The following PARD3 variants were observed in gnomAD, a reference collection of about 807,000 sequenced individuals.
The protein encoded by PARD3 is par-3 family cell polarity regulator.
In PARD3, 75 loss-of-function variants were observed where a neutral mutation model predicts 155.4. That is an observed-to-expected ratio of 0.48 (90% CI 0.40 to 0.58). The LOEUF is 0.58. PARD3 is among the 20% of genes least tolerant of loss of function. PARD3 has a pLI of 0.00. For synonymous variants in PARD3, 576 were observed against 610.5 expected (o/e 0.94, Z 0.83); for missense variants, 1,642 against 1,721.7 (o/e 0.95, Z 0.82).
intron 2 of PARD3, 55 bp from the exon 3 acceptor site, chr10:34,517,214 A>G: frequency 1.3e-6 from 2 of 1,510,908 alleles, no homozygotes; most frequent in Non-Finnish European, 1.8e-6. Flanking sequence ...ATTAACTACC[A>G]AAATTTTGTA....
intron 22 of PARD3, among the ~76,000 whole-genome samples, chr10:34,158,059 A>G (rs1327867210): frequency 1.3e-5 from 2 of 152,194 alleles, no homozygotes; most frequent in African/African-American, 4.8e-5. Context: ...CTCTTTAAAC[A>G]TTGCTGATGT....
At chr10:34,150,999 G>T (rs889167712) in intron 22 of PARD3, among the ~76,000 whole-genome samples, 1 of 152,102 alleles carries the variant, frequency 6.6e-6, no homozygotes, top group Non-Finnish European at 1.5e-5. Flanking sequence ...TCCTTCTCTT[G>T]ACCAAGTTCA....
chr10:34,223,588 TAAC>T (rs1338878830), intron 22 of PARD3, among the ~76,000 whole-genome samples: 1 of 152,120 alleles, frequency 6.6e-6, no homozygotes, highest in Non-Finnish European at 1.5e-5. Flanking sequence ...GTGGTTTACT[TAAC>T]AAGAACTCTA....
At position 34,628,638 on chromosome 10, in the gene PARD3, T is replaced by C. The variant is rs2092107040; in HGVS notation, c.222+67680A>G. ...CCCTGCCCTGGAGTGAGTGGCTTCATCACGCCTGAGAGACAGAGGCCAGAA... is the reference window on the plus strand; with the variant it reads ...CCCTGCCCTGGAGTGAGTGGCTTCACCACGCCTGAGAGACAGAGGCCAGAA... On this transcript the variant is annotated intron_variant, in intron 2 of 24. Transcript: ENST00000374788. Among the ~76,000 whole-genome samples the C allele has an allele frequency of 2.0e-5, 3 of 152,190 alleles. No individual in the cohort carries two copies. The South Asian group carries it at 6.2e-4, about 32-fold the overall frequency.
At chr10:34,734,358 CAG>C (rs2094875681) in intron 1 of PARD3, among the ~76,000 whole-genome samples, 1 of 97,424 alleles carries the variant, frequency 1.0e-5, no homozygotes, top group Non-Finnish European at 1.8e-5. Context: ...TTTTTTGAGA[CAG>C]AGTCTCGCTC....
At chr10:34,602,755 G>C (rs2089904708) in intron 2 of PARD3, among the ~76,000 whole-genome samples, 1 of 152,172 alleles carries the variant, frequency 6.6e-6, no homozygotes, top group Non-Finnish European at 1.5e-5. Flanking sequence ...GAGCCTTCTG[G>C]ATACAGAAAG....
At chr10:34,460,783 A>T (rs963631211) in intron 4 of PARD3, among the ~76,000 whole-genome samples, 2 of 152,156 alleles carry the variant, frequency 1.3e-5, no homozygotes, top group African/African-American at 4.8e-5. Context: ...CAGTGAGCCA[A>T]GATCACACCA....
At chr10:34,553,781 G>A (rs777084024) in intron 2 of PARD3, among the ~76,000 whole-genome samples, 6 of 152,140 alleles carry the variant, frequency 3.9e-5, no homozygotes, top group Non-Finnish European at 7.4e-5. Context: ...AATAAGCAAT[G>A]TTTTTGTTCA....
At chr10:34,665,829 C>T (rs771535647) in intron 2 of PARD3, among the ~76,000 whole-genome samples, 10 of 121,772 alleles carry the variant, frequency 8.2e-5, no homozygotes, top group African/African-American at 9.9e-5. Flanking sequence ...TTTGAGACTT[C>T]GTCTCAATTA....
intron 22 of PARD3, among the ~76,000 whole-genome samples, chr10:34,197,553 T>C (rs1415667062): frequency 1.3e-5 from 2 of 152,194 alleles, no homozygotes; most frequent in Admixed American, 6.5e-5. Flanking sequence ...CTTTGGGACA[T>C]AAAAATTATT....
At chr10:34,483,614 T>C (rs7085200) in intron 3 of PARD3, among the ~76,000 whole-genome samples, 8,445 of 152,228 alleles carry the variant, frequency 0.055, 795 homozygotes, top group African/African-American at 0.19. Flanking sequence ...TATTTCCATA[T>C]GGCCAACAGC....
At chr10:34,386,617 G>A (rs1218004988) in intron 7 of PARD3, among the ~76,000 whole-genome samples, 2 of 152,092 alleles carry the variant, frequency 1.3e-5, no homozygotes, top group African/African-American at 4.8e-5. Context: ...GAGGTCAGGA[G>A]TTCAATACCA....
At chr10:34,278,859 G>T (rs1956019355) in intron 21 of PARD3, among the ~76,000 whole-genome samples, 1 of 152,108 alleles carries the variant, frequency 6.6e-6, no homozygotes, top group Non-Finnish European at 1.5e-5. Flanking sequence ...GTCTTATACT[G>T]ACTAATAAAA....
intron 2 of PARD3, among the ~76,000 whole-genome samples, chr10:34,608,126 C>G (rs2090607329): frequency 6.6e-6 from 1 of 152,130 alleles, no homozygotes; most frequent in African/African-American, 2.4e-5. Flanking sequence ...ATGTGTCAAG[C>G]CTCTCAATGC....
intron 2 of PARD3, among the ~76,000 whole-genome samples, chr10:34,656,605 C>G (rs1225399424): frequency 6.6e-6 from 1 of 152,162 alleles, no homozygotes; most frequent in South Asian, 2.1e-4. Context: ...TATTGTTATG[C>G]TTTTAGAAAG....
At chr10:34,262,706 C>T (rs1335831691) in intron 22 of PARD3, among the ~76,000 whole-genome samples, 1 of 152,160 alleles carries the variant, frequency 6.6e-6, no homozygotes, top group Non-Finnish European at 1.5e-5. Context: ...AACTCAGACT[C>T]AGTAAGAATT....
chr10:34,279,141 C>CTTTTTTTT (rs143467605), intron 21 of PARD3, among the ~76,000 whole-genome samples: 5 of 102,050 alleles, frequency 4.9e-5, no homozygotes, highest in African/African-American at 1.6e-4. Flanking sequence ...ATATTTTTTC[C>CTTTTTTTT]TTTTTTTTTT....
chr10:34,525,847 T>C lies in PARD3; in HGVS notation c.223-8688A>G, dbSNP rs549451860. 1.2e-4 allele frequency among the ~76,000 whole-genome samples: 18 copies of C among 148,870 alleles called. 1 individual carries two copies. Among genetic ancestry groups the C allele is most frequent in the South Asian group, 4.3e-4 (2 of 4,672 alleles). ...CCTGTAATTCCAGCACTTTGGGAGG[T>C]AGAGGTAGGTAGATCATGAGGTCAA... On this transcript the variant is annotated intron_variant, in intron 2 of 24. Transcript: ENST00000374788.
At chr10:34,363,713 C>T (rs553289948) in intron 12 of PARD3, among the ~76,000 whole-genome samples, 5 of 152,106 alleles carry the variant, frequency 3.3e-5, no homozygotes, top group African/African-American at 4.8e-5. Flanking sequence ...TCTACAGAAA[C>T]GCAAAAAATG....
Sources: gnomAD v4.1 joint callset for allele counts (sites outside exome capture counted in the v4.1 genomes callset) on GRCh38, gnomAD v4.1.1 for gene constraint, MANE v1.5 for transcripts, NCBI Gene and HGNC (gene_info 2026-07-23, HGNC 2026-07-21) for gene names.